The following FOXO3 variants were observed in gnomAD, a reference collection of about 807,000 sequenced individuals.
FOXO3 encodes the protein forkhead box protein O3.
A neutral mutation model predicts 41.9 loss-of-function variants in FOXO3; 4 were observed. The ratio of observed to expected loss-of-function variants is 0.10; its 90% confidence interval spans 0.05 to 0.22. The LOEUF is 0.22. FOXO3 is among the 10% of genes least tolerant of loss of function. The pLI is 1.00. For synonymous variants in FOXO3, 318 were observed against 389.3 expected (o/e 0.82, Z 2.16); for missense variants, 534 against 906.8 (o/e 0.59, Z 5.28).
chr6:108,581,047 T>C lies in FOXO3; in HGVS notation c.621+19218T>C, dbSNP rs1331691455. Among the ~76,000 whole-genome samples, 5 of 152,358 alleles carry C rather than the reference T, an allele frequency of 3.3e-5. No homozygotes were observed. The East Asian group carries it at 9.6e-4, about 29-fold the overall frequency. ...ACTTAAACTTTCCTGTAGTCATTGC[T>C]TTCTCTCCCTGCCCCTGCCCCTTCT... is the stretch of plus-strand genomic sequence containing the variant. On this transcript the variant is annotated intron_variant, in intron 1 of 2. Transcript: ENST00000406360.
At chr6:108,561,895 C>G (rs1775804831) in intron 1 of FOXO3, 66 bp downstream of exon 1, 3 of 1,475,732 alleles carry the variant, frequency 2.0e-6, no homozygotes, top group African/African-American at 2.9e-5. Context: ...AGACGCGTCT[C>G]GGATTCGTCG....
chr6:108,647,103 T>TACTTTTTTCTGTTTTTAAACCTC lies in FOXO3; in HGVS notation c.622-16350_622-16328dup, dbSNP rs1397397506. On this transcript the variant is annotated intron_variant, in intron 1 of 2. Transcript: ENST00000406360. ...CAAGTAGTATTTAAATTTTAAACCT[T>TACTTTTTTCTGTTTTTAAACCTC]ACTTTTTTCTGTTTTTAAACCTCAT... Among the ~76,000 whole-genome samples, 3 of 152,238 alleles carry TACTTTTTTCTGTTTTTAAACCTC rather than the reference T, an allele frequency of 2.0e-5. No homozygotes were observed. In the East Asian group the frequency reaches 5.8e-4, roughly 29 times the overall value.
chr6:108,672,301 A>T (rs1464251068), intron 2 of FOXO3, among the ~76,000 whole-genome samples: 2 of 152,172 alleles, frequency 1.3e-5, no homozygotes, highest in African/African-American at 4.8e-5. Context: ...AGTTACTGTG[A>T]TACAATTTGA....
At chr6:108,600,784 G>C (rs1045446371) in intron 1 of FOXO3, among the ~76,000 whole-genome samples, 3 of 152,062 alleles carry the variant, frequency 2.0e-5, no homozygotes, top group African/African-American at 7.2e-5. Flanking sequence ...AGGGAAGAAG[G>C]ATTATGAATA....
chr6:108,630,610 A>G (rs1340435209), intron 1 of FOXO3, among the ~76,000 whole-genome samples: 1 of 152,064 alleles, frequency 6.6e-6, no homozygotes. Flanking sequence ...CTTTTATGTT[A>G]ACTTTCTTGT....
intron 1 of FOXO3, among the ~76,000 whole-genome samples, chr6:108,600,191 T>A (rs1197948648): frequency 6.6e-6 from 1 of 152,162 alleles, no homozygotes; most frequent in East Asian, 1.9e-4. Context: ...GAGGACTAGC[T>A]TCACACAAAT....
At chr6:108,568,853 C>T (rs1776015533) in intron 1 of FOXO3, among the ~76,000 whole-genome samples, 1 of 152,126 alleles carries the variant, frequency 6.6e-6, no homozygotes, top group African/African-American at 2.4e-5. Flanking sequence ...ATGCATAAGT[C>T]TCTGAAAACT....
chr6:108,583,892 A>AT (rs1419094785), intron 1 of FOXO3, among the ~76,000 whole-genome samples: 1 of 152,228 alleles, frequency 6.6e-6, no homozygotes, highest in Non-Finnish European at 1.5e-5. Context: ...TCTGAGTATA[A>AT]TTCTCGTAGA....
At chr6:108,672,893 T>C (rs1397903800) in intron 2 of FOXO3, among the ~76,000 whole-genome samples, 1 of 152,088 alleles carries the variant, frequency 6.6e-6, no homozygotes, top group Admixed American at 6.6e-5. Flanking sequence ...GTGTGGAGTG[T>C]TTGACTTGAT....
At chr6:108,599,400 A>G (rs1582763016) in intron 1 of FOXO3, among the ~76,000 whole-genome samples, 2 of 152,196 alleles carry the variant, frequency 1.3e-5, no homozygotes, top group South Asian at 4.1e-4. Flanking sequence ...TGAATACATT[A>G]TTTCTTATTT....
chr6:108,619,048 T>C (rs773552788), intron 1 of FOXO3, among the ~76,000 whole-genome samples: 4 of 152,240 alleles, frequency 2.6e-5, no homozygotes, highest in Non-Finnish European at 4.4e-5. Context: ...CTATACTGCC[T>C]GTTGTCCAAT....
intron 1 of FOXO3, among the ~76,000 whole-genome samples, chr6:108,652,987 T>C (rs1412416480): frequency 2.0e-5 from 3 of 152,236 alleles, no homozygotes; most frequent in Non-Finnish European, 2.9e-5. Context: ...CCCTATCAGT[T>C]TGCCCTTCTT....
At chr6:108,585,449 G>A (rs900991885) in intron 1 of FOXO3, among the ~76,000 whole-genome samples, 33 of 152,236 alleles carry the variant, frequency 2.2e-4, no homozygotes, top group Admixed American at 1.2e-3. Flanking sequence ...TTTGCTGAAA[G>A]CACCAAAATC....
intron 1 of FOXO3, among the ~76,000 whole-genome samples, chr6:108,569,067 G>A (rs1776020941): frequency 6.6e-6 from 1 of 152,200 alleles, no homozygotes; most frequent in South Asian, 2.1e-4. Context: ...GAACAAAGCT[G>A]TTATGTAAAG....
At chr6:108,564,439 C>G (rs1775900724) in intron 1 of FOXO3, among the ~76,000 whole-genome samples, 2 of 151,688 alleles carry the variant, frequency 1.3e-5, no homozygotes, top group African/African-American at 4.9e-5. Flanking sequence ...ATTTAAACCA[C>G]ACTACTTTCA....
At chr6:108,660,750 T>A (rs13214880) in intron 1 of FOXO3, among the ~76,000 whole-genome samples, 1 of 152,252 alleles carries the variant, frequency 6.6e-6, no homozygotes, top group South Asian at 2.1e-4. Context: ...CTCATGCCTG[T>A]AATCCCAGCA....
intron 2 of FOXO3, among the ~76,000 whole-genome samples, chr6:108,677,642 C>A (rs1254159699): frequency 6.6e-6 from 1 of 152,104 alleles, no homozygotes; most frequent in African/African-American, 2.4e-5. Flanking sequence ...GGATGGGAGT[C>A]CCCTGATGAC....
chr6:108,622,617 A>G (rs1777700389), intron 1 of FOXO3, among the ~76,000 whole-genome samples: 2 of 152,040 alleles, frequency 1.3e-5, no homozygotes, highest in South Asian at 4.2e-4. Flanking sequence ...CACTCCAACT[A>G]CCACACAAAT....
At chr6:108,565,819 A>T (rs1775933963) in intron 1 of FOXO3, among the ~76,000 whole-genome samples, 2 of 152,180 alleles carry the variant, frequency 1.3e-5, no homozygotes, top group African/African-American at 2.4e-5. Context: ...TTCCTTTTCA[A>T]CACACTGTAT....
Sources: allele counts gnomAD v4.1 joint callset (sites outside exome capture counted in the v4.1 genomes callset), GRCh38; gene constraint gnomAD v4.1.1; transcripts MANE v1.5; gene names NCBI Gene and HGNC (gene_info 2026-07-23, HGNC 2026-07-21).